LRRC27: variants seen among roughly 807,000 people sequenced by gnomAD.
LRRC27 encodes leucine rich repeat containing 27, also known as leucine-rich repeat-containing protein 27.
In LRRC27, 57 loss-of-function variants were observed where a neutral mutation model predicts 55.0. The ratio of observed to expected loss-of-function variants is 1.04; its 90% CI spans 0.84 to 1.29. The LOEUF (loss-of-function observed/expected upper bound fraction) is 1.29, where lower values mean the gene tolerates loss of function less well. Among genes scored for constraint, LRRC27 ranks in the 50% most tolerant of loss-of-function variants. The pLI is 0.00. For missense variants in LRRC27, 721 were observed against 651.5 expected (o/e 1.11, Z -1.16); for synonymous variants, 278 against 251.9 (o/e 1.10, Z -0.98).
At chr10:132,331,966 C>A (rs2066785569), upstream of LRRC27, 1 of 504,668 alleles carries the variant, frequency 2.0e-6, no homozygotes, top group Non-Finnish European at 3.4e-6. Context: ...CGCACCACAC[C>A]CCGCCCCCTC....
At chr10:132,345,798 C>CG (rs965572840) in intron 5 of LRRC27, among the ~76,000 whole-genome samples, 5 of 152,106 alleles carry the variant, frequency 3.3e-5, no homozygotes, top group Non-Finnish European at 7.3e-5. Flanking sequence ...ACAGGAGACA[C>CG]GGACAGACCC....
At chr10:132,365,883 C>A (rs1682484241) in intron 10 of LRRC27, among the ~76,000 whole-genome samples, 1 of 152,206 alleles carries the variant, frequency 6.6e-6, no homozygotes, top group African/African-American at 2.4e-5. Flanking sequence ...CTGTGCACAG[C>A]CTAAAACATT....
intron 3 of LRRC27, among the ~76,000 whole-genome samples, chr10:132,340,361 C>A (rs188209103): frequency 5.9e-5 from 9 of 152,154 alleles, no homozygotes; most frequent in African/African-American, 2.2e-4. Flanking sequence ...ATGCACCCCC[C>A]GCAATCCCTC....
chr10:132,355,163 C>A (rs1009109610), intron 7 of LRRC27, among the ~76,000 whole-genome samples: 19 of 152,130 alleles, frequency 1.2e-4, no homozygotes, highest in African/African-American at 4.3e-4. Context: ...GCAACCTCTG[C>A]CTCCTGGGTT....
intron 10 of LRRC27, among the ~76,000 whole-genome samples, chr10:132,368,225 GA>G (rs1762826763): frequency 6.6e-6 from 1 of 152,208 alleles, no homozygotes; most frequent in African/African-American, 2.4e-5. Flanking sequence ...CATGTTCATG[GA>G]TAGGAAGACT....
intron 3 of LRRC27, among the ~76,000 whole-genome samples, chr10:132,339,301 T>A (rs1332909154): frequency 6.6e-6 from 1 of 152,240 alleles, no homozygotes; most frequent in African/African-American, 2.4e-5. Flanking sequence ...AACTCACTGG[T>A]TTTAAAAATG....
chr10:132,330,082 A>G (rs1428172149), upstream of LRRC27, among the ~76,000 whole-genome samples: 2 of 152,246 alleles, frequency 1.3e-5, no homozygotes, highest in Non-Finnish European at 2.9e-5. Context: ...CGAACACTTC[A>G]TTCGTTCCTA....
At position 132,351,721 on chromosome 10, in the gene LRRC27, G is replaced by A. The variant is rs775883245; in HGVS notation, c.1041G>A (p.Gln347=). ...GAGCGGCGGCGCTCCGAGAGCTCCA[G>A]GAGAAGCAGGCTCTGATGGAGCAGC... ...ESRAAALREL[Q]EKQALMEQQR... Residue 347 remains glutamine, a synonymous_variant, in exon 7 of 11, where the codon CAG becomes CAA. Coordinates refer to ENST00000368614, the MANE Select transcript of LRRC27 (RefSeq NM_030626.3). 6 of 1,613,390 alleles carry A rather than the reference G, an allele frequency of 3.7e-6. No homozygotes were observed. In the East Asian group the frequency reaches 6.7e-5, roughly 18 times the overall value.
rs1429283149 is a variant in LRRC27, at chr10:132,379,107, C to G, written c.*3865C>G. The G allele has an allele frequency of 6.9e-6, 1 of 144,364 alleles. No homozygotes were observed. The highest frequency in any genetic ancestry group is 1.5e-5 in the Non-Finnish European group (1 of 67,480). The allele number at this position is 144,364 out of a possible 1,614,324, so 8.9% of individuals were successfully genotyped here. A position where few individuals can be genotyped will look rare whatever the true frequency, so the allele number is the denominator to read the frequency against. ...TGTGTTCTCGGGGAGTGCGTGGTGT[C>G]AGATCCCATCCTGCTCCTCTCCAGC... On this transcript the variant is annotated 3_prime_UTR_variant, in exon 11 of 11. Transcript: ENST00000368614.
rs376381141 is a variant in LRRC27 at position 132,355,474 on chromosome 10, C to T, written c.1074-316C>T. Among the ~76,000 whole-genome samples, 42 of 152,312 alleles carry T rather than the reference C, an allele frequency of 2.8e-4. No homozygotes were observed. The South Asian group carries it at 4.6e-3, about 17-fold the overall frequency. On this transcript the variant is annotated intron_variant, in intron 7 of 10. Coordinates refer to ENST00000368614, the MANE Select transcript of LRRC27 (RefSeq NM_030626.3). ...GTCGTGCAGCGCCTGTGGTGGCAGC[C>T]CCAGCTGGTGCCCTTACCTGAAAGG...
At chr10:132,364,780 C>G (rs1425570678) in intron 9 of LRRC27, among the ~76,000 whole-genome samples, 2 of 120,262 alleles carry the variant, frequency 1.7e-5, no homozygotes, top group African/African-American at 3.6e-5. Context: ...ACATCTACCT[C>G]CACGCCCACA....
intron 10 of LRRC27, among the ~76,000 whole-genome samples, chr10:132,369,757 T>A (rs1458993414): frequency 6.6e-6 from 1 of 152,100 alleles, no homozygotes; most frequent in Non-Finnish European, 1.5e-5. Context: ...ACCACTCCAG[T>A]GTGGGATGAA....
chr10:132,332,385 C>T (rs533845907), intron 1 of LRRC27, 129 bp downstream of exon 1: 1 of 152,322 alleles, frequency 6.6e-6, no homozygotes, highest in African/African-American at 2.4e-5. Context: ...GGCTGCCCTT[C>T]TGAGGCCTGG....
In LRRC27 at chr10:132,353,254, C is replaced by G; in HGVS notation, c.1073+1501C>G. On this transcript the variant is annotated intron_variant, in intron 7 of 10. Transcript: ENST00000368614. ...GGAGCTGGCCGAGTCCAGCCTCTCCCTCCTTCTGGGTTCCGACAATCTCTC... is the reference window on the plus strand; with the variant it reads ...GGAGCTGGCCGAGTCCAGCCTCTCCGTCCTTCTGGGTTCCGACAATCTCTC... The G allele has an allele frequency of 4.7e-6, 6 of 1,278,930 alleles. No individual in the cohort carries two copies. In the South Asian group the frequency reaches 8.2e-5, roughly 17 times the overall value. The allele number at this position is 1,278,930 out of a possible 1,614,324, so 79.2% of individuals were successfully genotyped here. A position where few individuals can be genotyped will look rare whatever the true frequency, so the allele number is the denominator to read the frequency against.
chr10:132,352,524 C>T (rs1429008819), intron 7 of LRRC27, among the ~76,000 whole-genome samples: 4 of 46,898 alleles, frequency 8.5e-5, no homozygotes, highest in Non-Finnish European at 1.6e-4. Flanking sequence ...GCAGGTGCAG[C>T]GCTCCGTGTG....
chr10:132,351,490 C>G (rs1468291331), intron 6 of LRRC27, 117 bp from the exon 7 acceptor site: 3 of 1,158,350 alleles, frequency 2.6e-6, no homozygotes, highest in Admixed American at 4.3e-5. Context: ...TCTAGTCGTG[C>G]TAATTGTTCA....
At chr10:132,362,862 C>T (rs1417966219) in intron 9 of LRRC27, among the ~76,000 whole-genome samples, 2 of 142,770 alleles carry the variant, frequency 1.4e-5, no homozygotes, top group East Asian at 4.2e-4. Context: ...CATGAACCCT[C>T]TCACCTCACA....
intron 9 of LRRC27, among the ~76,000 whole-genome samples, chr10:132,364,457 ACACCCACCCACAC>A (rs2068859880): frequency 5.7e-5 from 4 of 70,470 alleles, no homozygotes; most frequent in Non-Finnish European, 1.2e-4. Context: ...ACCCACACTC[ACACCCACCCACAC>A]TTACACCCAC....
rs72863831 is a variant in LRRC27, at chr10:132,376,646, C to T, written c.*1404C>T. 0.14 allele frequency: 21,666 copies of T among 152,384 alleles called. 2,143 individuals carry two copies. Among genetic ancestry groups the T allele is most frequent in the Middle Eastern group, 0.23 (67 of 294 alleles). 9.4% of individuals were successfully genotyped at this position (152,384 alleles called of 1,614,324 possible). The stretch of plus-strand genomic sequence containing the variant: ...CTGGTTGTTGATCAGAGAGCGTGTC[C>T]GTTGTGATCCCAGTCCTTTGAAACT... On this transcript the variant is annotated 3_prime_UTR_variant, in exon 11 of 11. Transcript: ENST00000368614.
Sources: allele counts gnomAD v4.1 joint callset (sites outside exome capture counted in the v4.1 genomes callset), GRCh38; gene constraint gnomAD v4.1.1; transcripts MANE v1.5; gene names NCBI Gene and HGNC (gene_info 2026-07-23, HGNC 2026-07-21).